NOS1: variants seen among roughly 807,000 people sequenced by gnomAD.
NOS1 encodes nitric oxide synthase 1.
Under a neutral mutation model 164.5 loss-of-function variants are expected in NOS1, and 51 were observed. The ratio of observed to expected loss-of-function variants is 0.31; its 90% CI spans 0.25 to 0.39. NOS1 has a LOEUF of 0.39. Among genes scored for constraint, NOS1 ranks in the 10% least tolerant of loss-of-function variants. NOS1 has a pLI of 1.00. For synonymous variants in NOS1, 719 were observed against 745.8 expected (o/e 0.96, Z 0.59); for missense variants, 1,362 against 1,885.6 (o/e 0.72, Z 5.14).
chr12:117,225,123 T>C lies in NOS1; in HGVS notation c.3719A>G (p.His1240Arg). The stretch of plus-strand genomic sequence containing the variant: ...GGGGACTTGGGGGTTCCGGGGCAGG[T>C]GGAAGCTGGGTGCTCTGGGCAAGGA... ...PCFVRGAPSF[H>R]LPRNPQVPCI... The change falls in exon 25 of 29, where the codon CAC becomes CGC. Residue 1240 changes from histidine to arginine, a missense_variant. His to Arg is a conservative substitution (Grantham distance 29). This residue lies in a region of NOS1 where 737 missense variants were observed against 1,030.3 expected (regional missense o/e 0.72). Transcript: ENST00000317775. 1 of 1,613,146 alleles carries C rather than the reference T, an allele frequency of 6.2e-7. No homozygotes were observed. Among genetic ancestry groups the C allele is most frequent in the Non-Finnish European group, 8.5e-7 (1 of 1,179,514 alleles).
chr12:117,303,521 AG>A (rs1324577575), intron 3 of NOS1, among the ~76,000 whole-genome samples: 1 of 152,144 alleles, frequency 6.6e-6, no homozygotes, highest in African/African-American at 2.4e-5. Context: ...TACCAGCTAG[AG>A]GCTGGAGGGA....
chr12:117,212,295 G>A lies in NOS1; in HGVS notation c.*3014C>T. The A allele has an allele frequency of 1.0e-6, 1 of 985,416 alleles. No homozygotes were observed. The highest frequency in any genetic ancestry group is 1.2e-6 in the Non-Finnish European group (1 of 829,928). The allele number at this position is 985,416 out of a possible 1,614,324, so 61.0% of individuals were successfully genotyped here. ...GGGTATGCAGACTCTAAAAGGTCAA[G>A]TGAGCCGCCCACAGCCATCTGCACC... On this transcript the variant is annotated 3_prime_UTR_variant, in exon 29 of 29. Transcript: ENST00000317775.
intron 4 of NOS1, among the ~76,000 whole-genome samples, chr12:117,289,164 T>C (rs1287740327): frequency 2.6e-5 from 4 of 152,214 alleles, no homozygotes; most frequent in Non-Finnish European, 5.9e-5. Flanking sequence ...CTATTAAAAA[T>C]ATGAAATAAA....
intron 3 of NOS1, among the ~76,000 whole-genome samples, chr12:117,303,812 A>G (rs1314449467): frequency 7.2e-5 from 11 of 152,352 alleles, no homozygotes; most frequent in African/African-American, 2.6e-4. Context: ...AGGATGGCCC[A>G]ACAGCAGGTC....
chr12:117,355,294 T>C (rs1415637647), intron 1 of NOS1, among the ~76,000 whole-genome samples: 1 of 152,226 alleles, frequency 6.6e-6, no homozygotes. Context: ...AGGACTTCTG[T>C]ATTTTCCACC....
chr12:117,331,891 C>T (rs979560268), intron 1 of NOS1, among the ~76,000 whole-genome samples: 6 of 152,162 alleles, frequency 3.9e-5, no homozygotes, highest in Admixed American at 6.5e-5. Flanking sequence ...ATCCATAGCT[C>T]GGGGGCTCAG....
At chr12:117,237,753 A>G (rs192931376) in intron 20 of NOS1, among the ~76,000 whole-genome samples, 66 of 152,250 alleles carry the variant, frequency 4.3e-4, no homozygotes, top group Admixed American at 3.3e-3. Flanking sequence ...TCAAGGTAAC[A>G]AGGTTCATTC....
chr12:117,233,031 C>T (rs1445365634), intron 21 of NOS1, among the ~76,000 whole-genome samples: 1 of 117,986 alleles, frequency 8.5e-6, no homozygotes, highest in Admixed American at 1.1e-4. Flanking sequence ...TCATGCCTCA[C>T]TACTTTTTTT....
At chr12:117,302,559 C>T (rs1340516877) in intron 3 of NOS1, among the ~76,000 whole-genome samples, 2 of 140,618 alleles carry the variant, frequency 1.4e-5, no homozygotes, top group Middle Eastern at 4.2e-3. Context: ...CGGGCCACTG[C>T]ACTCCAGCCT....
chr12:117,281,630 T>C (rs1778986420), intron 7 of NOS1, among the ~76,000 whole-genome samples: 1 of 150,914 alleles, frequency 6.6e-6, no homozygotes, highest in Non-Finnish European at 1.5e-5. Flanking sequence ...GGACAAGAGA[T>C]GGAGACCATC....
intron 13 of NOS1, among the ~76,000 whole-genome samples, chr12:117,262,505 G>A (rs564199177): frequency 6.9e-6 from 1 of 145,696 alleles, no homozygotes; most frequent in Non-Finnish European, 1.5e-5. Flanking sequence ...GAGAGAGAGA[G>A]AAGAGAGAGG....
At position 117,214,423 on chromosome 12, in the gene NOS1, A is replaced by AG. The variant is rs1276234354; in HGVS notation, c.*885dup. 2 of 981,292 alleles carry AG rather than the reference A, an allele frequency of 2.0e-6. No homozygotes were observed. The highest frequency in any genetic ancestry group is 2.4e-6 in the Non-Finnish European group (2 of 828,758). The allele number at this position is 981,292 out of a possible 1,614,324, so 60.8% of individuals were successfully genotyped here. On this transcript the variant is annotated 3_prime_UTR_variant, in exon 29 of 29. Transcript: ENST00000317775. Reference sequence around the variant, plus strand: ...GCCCCTTGGATGCTATTGCTGGAGGAGGGGGTCAGTCAATGGATGTGGCAA... The same window carrying AG: ...GCCCCTTGGATGCTATTGCTGGAGGAGGGGGGTCAGTCAATGGATGTGGCAA...
chr12:117,229,633 G>A, intron 22 of NOS1, among the ~76,000 whole-genome samples: 1 of 150,252 alleles, frequency 6.7e-6, no homozygotes. Context: ...CTGTCACCCA[G>A]GCTGGAGTGC....
At chr12:117,319,611 T>C (rs1229427275) in intron 2 of NOS1, among the ~76,000 whole-genome samples, 5 of 152,232 alleles carry the variant, frequency 3.3e-5, no homozygotes, top group Admixed American at 6.5e-5. Context: ...AAGATGTAGA[T>C]TCTGTGTTAA....
chr12:117,344,178 G>C (rs1318603317), intron 1 of NOS1, among the ~76,000 whole-genome samples: 2 of 152,182 alleles, frequency 1.3e-5, no homozygotes, highest in African/African-American at 4.8e-5. Context: ...CCTGAGCCTA[G>C]TATACATTTG....
At chr12:117,312,731 T>C (rs937748858) in intron 2 of NOS1, among the ~76,000 whole-genome samples, 9 of 152,130 alleles carry the variant, frequency 5.9e-5, no homozygotes, top group African/African-American at 1.7e-4. Context: ...CCAGGAATGA[T>C]TGTTAATCAC....
In NOS1 at chr12:117,359,876, TTATATATATATATATA is replaced by T. The variant is rs56787288; in HGVS notation, c.-421+1620_-421+1635del. Among the ~76,000 whole-genome samples, 240 of 36,938 alleles carry T rather than the reference TTATATATATATATATA, an allele frequency of 6.5e-3. 3 individuals are homozygous for T. The highest frequency in any genetic ancestry group is 0.019 in the Middle Eastern group (1 of 52). The allele number at this position is 36,938 out of a possible 152,430, so 24.2% of individuals were successfully genotyped here. Reference sequence around the variant, plus strand: ...GTCCCAGAGCATTACAATAATGGTTTTATATATATATATATATATATATATATATATATATATATAT... The same window carrying T: ...GTCCCAGAGCATTACAATAATGGTTTTATATATATATATATATATATATAT... On this transcript the variant is annotated intron_variant, in intron 1 of 28. Coordinates refer to ENST00000317775, the MANE Select transcript of NOS1 (RefSeq NM_000620.5).
intron 2 of NOS1, among the ~76,000 whole-genome samples, chr12:117,324,958 A>G (rs1220671494): frequency 6.6e-6 from 1 of 152,220 alleles, no homozygotes; most frequent in Non-Finnish European, 1.5e-5. Context: ...GAGATGTGGC[A>G]GGAGATTAAG....
intron 11 of NOS1, among the ~76,000 whole-genome samples, chr12:117,265,729 C>T (rs940565599): frequency 1.3e-5 from 2 of 152,050 alleles, no homozygotes; most frequent in Non-Finnish European, 2.9e-5. Context: ...TAACACCTTT[C>T]GTGTCGATCT....
Sources: gnomAD v4.1 joint callset for allele counts (sites outside exome capture counted in the v4.1 genomes callset) on GRCh38, gnomAD v4.1.1 for gene constraint, gnomAD v4.1.1 regional missense constraint, MANE v1.5 for transcripts, NCBI Gene and HGNC (gene_info 2026-07-23, HGNC 2026-07-21) for gene names.